Variants in GPHN observed in about 807,000 individuals in gnomAD.
GPHN encodes gephyrin.
A neutral mutation model predicts 95.5 loss-of-function variants in GPHN; 17 were observed. The ratio of observed to expected loss-of-function variants is 0.18; its 90% CI spans 0.12 to 0.27. The LOEUF (loss-of-function observed/expected upper bound fraction) is 0.27. GPHN is among the 10% of genes least tolerant of loss of function. The pLI is 1.00. For missense variants in GPHN, 660 were observed against 978.1 expected (o/e 0.67, Z 4.34); for synonymous variants, 320 against 322.5 (o/e 0.99, Z 0.08).
chr14:66,808,015 ACT>A (rs2060615759), intron 3 of GPHN, among the ~76,000 whole-genome samples: 1 of 151,672 alleles, frequency 6.6e-6, no homozygotes, highest in Admixed American at 6.6e-5. Context: ...TTTTATGAGA[ACT>A]CTATTTTGCT....
chr14:66,798,488 C>G (rs1200137802), intron 3 of GPHN, among the ~76,000 whole-genome samples: 1 of 151,726 alleles, frequency 6.6e-6, no homozygotes, highest in Non-Finnish European at 1.5e-5. Flanking sequence ...GATCTCATTA[C>G]TTGTTATTGC....
chr14:67,255,232 AT>A, the GPHN span, among the ~76,000 whole-genome samples: 1 of 152,148 alleles, frequency 6.6e-6, no homozygotes, highest in Non-Finnish European at 1.5e-5. Flanking sequence ...AAGGTAATTG[AT>A]TAAAGGGAAT....
intron 3 of GPHN, among the ~76,000 whole-genome samples, chr14:66,804,373 G>A (rs1327439479): frequency 2.0e-5 from 3 of 152,116 alleles, no homozygotes; most frequent in Non-Finnish European, 4.4e-5. Flanking sequence ...ATTGTACTTT[G>A]GTCAGACTTA....
chr14:67,544,884 T>C, the GPHN span, among the ~76,000 whole-genome samples: 1 of 152,234 alleles, frequency 6.6e-6, no homozygotes, highest in African/African-American at 2.4e-5. Context: ...GACAAGGTCC[T>C]GTATCTATCA....
the GPHN span, chr14:67,467,181 T>C: frequency 6.6e-6 from 1 of 152,242 alleles, no homozygotes; most frequent in Non-Finnish European, 1.5e-5. Flanking sequence ...TGTTATGGGC[T>C]TCCCTTCAAC....
chr14:66,706,450 G>A (rs2069088824), intron 2 of GPHN, among the ~76,000 whole-genome samples: 1 of 152,062 alleles, frequency 6.6e-6, no homozygotes, highest in Non-Finnish European at 1.5e-5. Flanking sequence ...GCATGGTAGT[G>A]GTACCAAAAC....
intron 11 of GPHN, among the ~76,000 whole-genome samples, chr14:67,069,330 A>C (rs772897876): frequency 2.1e-4 from 32 of 152,162 alleles, no homozygotes; most frequent in Non-Finnish European, 3.4e-4. Context: ...GCACTTGTAA[A>C]TTACAGAGTA....
At chr14:67,189,819 T>C in the GPHN span, 1 of 149,840 alleles carries the variant, frequency 6.7e-6, no homozygotes, top group African/African-American at 2.5e-5. Flanking sequence ...TGAAAGCATG[T>C]TTTCTGGATT....
At chr14:67,599,793 C>G in the GPHN span, among the ~76,000 whole-genome samples, 1 of 152,218 alleles carries the variant, frequency 6.6e-6, no homozygotes, top group Non-Finnish European at 1.5e-5. Flanking sequence ...CGGAGCAGAG[C>G]ACAGCCACGG....
At chr14:66,532,750 C>T (rs2058994909) in intron 1 of GPHN, among the ~76,000 whole-genome samples, 1 of 152,200 alleles carries the variant, frequency 6.6e-6, no homozygotes, top group South Asian at 2.1e-4. Context: ...TTCCCGAGGA[C>T]TGTTTCTCAT....
At chr14:67,610,497 T>A in the GPHN span, among the ~76,000 whole-genome samples, 49 of 152,312 alleles carry the variant, frequency 3.2e-4, no homozygotes, top group African/African-American at 1.2e-3. Flanking sequence ...AATGAGCTGC[T>A]GTTGCTTCCT....
At chr14:67,010,833 T>G (rs914586633) in intron 9 of GPHN, among the ~76,000 whole-genome samples, 1 of 152,110 alleles carries the variant, frequency 6.6e-6, no homozygotes, top group African/African-American at 2.4e-5. Flanking sequence ...GGTGCAACTG[T>G]CTAGGACAGT....
At chr14:67,041,456 G>A (rs2074701777) in intron 10 of GPHN, among the ~76,000 whole-genome samples, 1 of 151,894 alleles carries the variant, frequency 6.6e-6, no homozygotes, top group African/African-American at 2.4e-5. Context: ...TTAGGAGTGA[G>A]AACATGTACT....
At chr14:66,835,543 G>C (rs2061763693) in intron 4 of GPHN, among the ~76,000 whole-genome samples, 2 of 151,520 alleles carry the variant, frequency 1.3e-5, no homozygotes, top group Non-Finnish European at 3.0e-5. Context: ...CACAAGACAG[G>C]GATGCCCTCT....
chr14:67,643,152 T>TC, the GPHN span, among the ~76,000 whole-genome samples: 1 of 152,228 alleles, frequency 6.6e-6, no homozygotes, highest in Non-Finnish European at 1.5e-5. Context: ...ACTCATGCAA[T>TC]CAGTCCTTTG....
At chr14:66,663,905 A>G (rs1361796472) in intron 1 of GPHN, among the ~76,000 whole-genome samples, 2 of 152,238 alleles carry the variant, frequency 1.3e-5, no homozygotes, top group Non-Finnish European at 2.9e-5. Context: ...ATAATGGTAA[A>G]GGGTTCAATT....
At chr14:67,514,801 G>A in the GPHN span, among the ~76,000 whole-genome samples, 1 of 152,048 alleles carries the variant, frequency 6.6e-6, no homozygotes, top group Non-Finnish European at 1.5e-5. Flanking sequence ...TTGCCAACGC[G>A]CACCCCCTTC....
In GPHN at chr14:66,704,057, C is replaced by CA. The variant is rs1287052598; in HGVS notation, c.143+22879dup. 3.3e-5 allele frequency among the ~76,000 whole-genome samples: 5 copies of CA among 149,946 alleles called. No individual in the cohort carries two copies. In the South Asian group the frequency reaches 8.4e-4, roughly 25 times the overall value. ...AAACAGAGTTTAAACCAACAAAGAT[C>CA]AAAAAAAGACAAAGAAGGGCATTAC... On this transcript the variant is annotated intron_variant, in intron 2 of 22. Transcript: ENST00000478722.
At chr14:67,199,452 A>G in the GPHN span, 3 of 1,613,064 alleles carry the variant, frequency 1.9e-6, no homozygotes, top group East Asian at 2.2e-5. Flanking sequence ...CAAACCCCCA[A>G]GATTATGTGG....
Sources: allele counts gnomAD v4.1 joint callset (sites outside exome capture counted in the v4.1 genomes callset), GRCh38; gene constraint gnomAD v4.1.1; transcripts MANE v1.5; gene names NCBI Gene and HGNC (gene_info 2026-07-23, HGNC 2026-07-21).